Variants in PLCG2 observed in about 807,000 individuals in gnomAD.
PLCG2 encodes phospholipase C gamma 2.
A neutral mutation model predicts 175.6 loss-of-function variants in PLCG2; 69 were observed. That is an observed-to-expected ratio of 0.39 (90% CI 0.32 to 0.48). The LOEUF is 0.48. PLCG2 is among the 20% of genes least tolerant of loss of function. The probability of loss-of-function intolerance (pLI) is 0.91; values close to 1 mark genes in which losing one functional copy is unlikely to be tolerated. For synonymous variants in PLCG2, 827 were observed against 624.0 expected, an observed-to-expected ratio of 1.33 and a Z score of -4.85; for missense variants, 1,798 against 1,650.9, an observed-to-expected ratio of 1.09 and a Z score of -1.54.
chr16:81,877,631 G>GT (rs1306150710), intron 7 of PLCG2, among the ~76,000 whole-genome samples: 1 of 152,208 alleles, frequency 6.6e-6, no homozygotes, highest in Non-Finnish European at 1.5e-5. Flanking sequence ...ATTCCTCGGA[G>GT]TGTGGACACC....
chr16:81,880,474 A>G (rs1315910400), intron 7 of PLCG2, among the ~76,000 whole-genome samples: 1 of 152,242 alleles, frequency 6.6e-6, no homozygotes, highest in Non-Finnish European at 1.5e-5. Context: ...AGATGTTACA[A>G]AAATCAAGTG....
chr16:81,940,559 T>G (rs1041779466), intron 30 of PLCG2, among the ~76,000 whole-genome samples: 1 of 152,222 alleles, frequency 6.6e-6, no homozygotes, highest in Non-Finnish European at 1.5e-5. Context: ...CTTTGAGTTG[T>G]TACAGTTTTC....
chr16:81,787,967 G>A (rs973185455), intron 2 of PLCG2, among the ~76,000 whole-genome samples: 2 of 152,206 alleles, frequency 1.3e-5, no homozygotes, highest in African/African-American at 4.8e-5. Flanking sequence ...TCAGTCATCT[G>A]TTGACGGACC....
chr16:81,912,333 T>C (rs1409071183), intron 18 of PLCG2, among the ~76,000 whole-genome samples: 1 of 152,248 alleles, frequency 6.6e-6, no homozygotes, highest in Non-Finnish European at 1.5e-5. Flanking sequence ...CCCAAAGTGC[T>C]GGGATTTCAG....
chr16:81,740,881 G>A (rs1597299474), intron 1 of PLCG2, among the ~76,000 whole-genome samples: 1 of 152,124 alleles, frequency 6.6e-6, no homozygotes, highest in East Asian at 1.9e-4. Flanking sequence ...ACCCATTGAG[G>A]GTTCTCTTGA....
chr16:81,936,015 C>T lies in PLCG2; in HGVS notation c.2843-154C>T, dbSNP rs1222758454. 13 of 985,330 alleles carry T rather than the reference C, an allele frequency of 1.3e-5. No individual in the cohort carries two copies. In the East Asian group the frequency reaches 1.5e-3, roughly 112 times the overall value. The allele number at this position is 985,330 out of a possible 1,614,324, so 61.0% of individuals were successfully genotyped here. A position where few individuals can be genotyped will look rare whatever the true frequency, so the allele number is the denominator to read the frequency against. On this transcript the variant is annotated intron_variant, in intron 26 of 32. Coordinates refer to ENST00000564138, the MANE Select transcript of PLCG2 (RefSeq NM_002661.5). ...CAGAGGGCAAGAGTCCACAGTGATA[C>T]CAATTGGGACAATATCATCAGAACC...
chr16:81,913,569 A>G (rs1597128081), intron 19 of PLCG2, among the ~76,000 whole-genome samples: 1 of 152,248 alleles, frequency 6.6e-6, no homozygotes, highest in Non-Finnish European at 1.5e-5. Context: ...CTGGGGGCCA[A>G]ATCTCCAGCC....
At chr16:81,897,521 T>G (rs1567522017) in intron 13 of PLCG2, among the ~76,000 whole-genome samples, 1 of 148,810 alleles carries the variant, frequency 6.7e-6, no homozygotes, top group African/African-American at 2.5e-5. Context: ...CGATTATTTT[T>G]TCTCTTTTTT....
At chr16:81,939,005 T>C in intron 29 of PLCG2, 90 bp downstream of exon 29, 1 of 730,680 alleles carries the variant, frequency 1.4e-6, no homozygotes, top group Non-Finnish European at 2.4e-6. Context: ...TTTGCAATGC[T>C]CTTTAGTTGT....
chr16:81,899,463 C>T (rs796694415), intron 13 of PLCG2, among the ~76,000 whole-genome samples: 8 of 152,094 alleles, frequency 5.3e-5, no homozygotes, highest in African/African-American at 1.9e-4. Context: ...AATCAAATCT[C>T]AAAGCACTCT....
chr16:81,900,212 C>A (rs1056075149), intron 13 of PLCG2, among the ~76,000 whole-genome samples: 3 of 152,126 alleles, frequency 2.0e-5, no homozygotes, highest in Non-Finnish European at 1.5e-5. Flanking sequence ...TGGATGCACA[C>A]GTGGAACAGC....
At chr16:81,812,680 T>C (rs991833632) in intron 2 of PLCG2, among the ~76,000 whole-genome samples, 1 of 152,236 alleles carries the variant, frequency 6.6e-6, no homozygotes, top group Non-Finnish European at 1.5e-5. Flanking sequence ...AGAAGCTCTT[T>C]AGCTGAATTA....
intron 2 of PLCG2, among the ~76,000 whole-genome samples, chr16:81,793,395 G>C (rs11150411): frequency 1 from 152,235 of 152,304 alleles, 76,083 homozygotes; most frequent in East Asian, 1. Context: ...TGCATCTTGT[G>C]CATTTGAAAG....
At position 81,899,428 on chromosome 16, in the gene PLCG2, T is replaced by A. The variant is rs183619534; in HGVS notation, c.1194-1184T>A. ...GGTGATCCTTATTGGTGGATTCTAC[T>A]TGCTAAAATTGACTTGTAACCCCAA... On this transcript the variant is annotated intron_variant, in intron 13 of 32. Transcript: ENST00000564138. Among the ~76,000 whole-genome samples the A allele has an allele frequency of 4.0e-3, 605 of 152,218 alleles. 4 individuals are homozygous for A. The highest frequency in any genetic ancestry group is 0.014 in the Middle Eastern group (4 of 294).
chr16:81,860,769 G>A (rs554847882), intron 5 of PLCG2, among the ~76,000 whole-genome samples: 19 of 152,178 alleles, frequency 1.2e-4, no homozygotes, highest in African/African-American at 4.3e-4. Context: ...TCAGGAGTTC[G>A]AGACCAGCCT....
chr16:81,805,500 GA>G (rs1316978784), intron 2 of PLCG2, among the ~76,000 whole-genome samples: 1,713 of 54,218 alleles, frequency 0.032, 29 homozygotes, highest in East Asian at 0.055. Flanking sequence ...CTCCATCTCA[GA>G]AAAAAAAAAA....
intron 2 of PLCG2, among the ~76,000 whole-genome samples, chr16:81,789,689 G>A (rs1005776410): frequency 2.6e-5 from 4 of 152,118 alleles, no homozygotes; most frequent in Admixed American, 6.5e-5. Context: ...TGGCTGGGGC[G>A]TATTATTATA....
Position 81,936,391 on chromosome 16 carries a change from TGAAG to T in PLCG2, c.3052+15_3052+18del. On this transcript the variant is annotated intron_variant, in intron 27 of 32. Transcript: ENST00000564138. ...TTCCAGACGGCAGGTAAAGGCCGAC[TGAAG>T]GTAGTCCCGTCCCTGCAAGGTGGCG... 1 of 1,609,994 alleles carries T rather than the reference TGAAG, an allele frequency of 6.2e-7. No individual in the cohort carries two copies. The highest frequency in any genetic ancestry group is 8.5e-7 in the Non-Finnish European group (1 of 1,177,376).
intron 2 of PLCG2, among the ~76,000 whole-genome samples, chr16:81,811,246 G>A (rs372601952): frequency 2.6e-5 from 4 of 152,304 alleles, no homozygotes; most frequent in Middle Eastern, 3.4e-3. Context: ...TGGGCACACC[G>A]GTGGTACCTT....
Sources: gnomAD v4.1 joint callset for allele counts (sites outside exome capture counted in the v4.1 genomes callset) on GRCh38, gnomAD v4.1.1 for gene constraint, MANE v1.5 for transcripts, NCBI Gene and HGNC (gene_info 2026-07-23, HGNC 2026-07-21) for gene names.